PARD3B: variants seen among roughly 807,000 people sequenced by gnomAD.
The protein encoded by PARD3B is partitioning defective 3 homolog B.
PARD3B carries 103 observed loss-of-function variants against 130.2 expected under a neutral mutation model. That is an observed-to-expected ratio of 0.79 (90% CI 0.67 to 0.93). The LOEUF is 0.93. Among genes scored for constraint, PARD3B ranks in the 40% least tolerant of loss-of-function variants. The pLI, the probability that PARD3B is intolerant of heterozygous loss-of-function variation, is 0.00. For missense variants in PARD3B, 1,609 were observed against 1,499.2 expected, an observed-to-expected ratio of 1.07 and a Z score of -1.21; for synonymous variants, 583 against 553.2, an observed-to-expected ratio of 1.05 and a Z score of -0.76.
chr2:204,958,830 T>C (rs1328302853), intron 2 of PARD3B, among the ~76,000 whole-genome samples: 4 of 152,134 alleles, frequency 2.6e-5, no homozygotes, highest in Non-Finnish European at 5.9e-5. Flanking sequence ...ATAACCTTAG[T>C]GTTTTAGGAT....
In PARD3B at chr2:205,525,172, CT is replaced by C. The variant is rs930376286; in HGVS notation, c.3180+25147del. 1.3e-5 allele frequency among the ~76,000 whole-genome samples: 2 copies of C among 152,084 alleles called. No individual in the cohort carries two copies. The highest frequency in any genetic ancestry group is 2.9e-5 in the Non-Finnish European group (2 of 68,010). ...ATGGTATGACTGGAAAATACTAGGG[CT>C]TTTTTCCCCTCCTACATGGTTAACT... On this transcript the variant is annotated intron_variant, in intron 21 of 22. Coordinates refer to ENST00000406610, the MANE Select transcript of PARD3B (RefSeq NM_001302769.2). The surrounding 1 kb of genome is among the most constrained non-coding windows in gnomAD (Gnocchi z 4.2).
At chr2:204,885,935 A>G (rs1454674965) in intron 2 of PARD3B, among the ~76,000 whole-genome samples, 1 of 152,150 alleles carries the variant, frequency 6.6e-6, no homozygotes, top group Non-Finnish European at 1.5e-5. Context: ...TCTCAGCACA[A>G]TGGTCACCAC....
chr2:204,697,893 A>G (rs757507801), intron 2 of PARD3B, among the ~76,000 whole-genome samples: 5 of 152,126 alleles, frequency 3.3e-5, no homozygotes, highest in Admixed American at 3.3e-4. Context: ...TTTGTGCCAA[A>G]TATGTTCAAA....
At chr2:204,699,397 TCTGAAGTGGCTACATGG>T (rs2037775259) in intron 2 of PARD3B, among the ~76,000 whole-genome samples, 1 of 152,136 alleles carries the variant, frequency 6.6e-6, no homozygotes, top group South Asian at 2.1e-4. Context: ...ATCACTCCTT[TCTGAAGTGGCTACATGG>T]CTGTCAAAAT....
In PARD3B at chr2:205,015,448, A is replaced by G. The variant is rs555601663; in HGVS notation, c.395-32133A>G. On this transcript the variant is annotated intron_variant, in intron 3 of 22. Coordinates refer to ENST00000406610, the MANE Select transcript of PARD3B (RefSeq NM_001302769.2). This position sits in a 1 kb window ranked among gnomAD's most constrained non-coding sequence, Gnocchi z 4.5. Reference sequence around the variant, plus strand: ...GGGTCAACCATACTGACATGTTTACATGTATTTCTCCTTGGCAAGATGCAG... The same window carrying G: ...GGGTCAACCATACTGACATGTTTACGTGTATTTCTCCTTGGCAAGATGCAG... 2.0e-5 allele frequency among the ~76,000 whole-genome samples: 3 copies of G among 152,298 alleles called. No homozygotes were observed. The highest frequency in any genetic ancestry group is 4.8e-5 in the African/African-American group (2 of 41,574).
Position 204,811,844 on chromosome 2 carries a change from A to C in PARD3B, c.222+125562A>C, listed in dbSNP as rs535310696. Among the ~76,000 whole-genome samples, 184 of 152,272 alleles carry C rather than the reference A, an allele frequency of 1.2e-3. 2 individuals are homozygous for C. Among genetic ancestry groups the C allele is most frequent in the African/African-American group, 4.0e-3 (165 of 41,526 alleles). On this transcript the variant is annotated intron_variant, in intron 2 of 22. Transcript: ENST00000406610. ...CAAAAAACAAAAAACTAATGTTTGC[A>C]TAAACCTTTTCTCCTTCATACTATT...
At chr2:205,505,479 C>A (rs2050326333) in intron 21 of PARD3B, among the ~76,000 whole-genome samples, 1 of 152,090 alleles carries the variant, frequency 6.6e-6, no homozygotes, top group Non-Finnish European at 1.5e-5. Context: ...TTCAGCTGTT[C>A]TGTTGTGTAA....
At chr2:204,892,569 AATC>A (rs1230408156) in intron 2 of PARD3B, among the ~76,000 whole-genome samples, 1 of 152,204 alleles carries the variant, frequency 6.6e-6, no homozygotes, top group African/African-American at 2.4e-5. Context: ...AGAAAAGTGA[AATC>A]ATCTGATATA....
intron 22 of PARD3B, among the ~76,000 whole-genome samples, chr2:205,598,352 A>G (rs1167661283): frequency 1.3e-5 from 2 of 151,802 alleles, no homozygotes; most frequent in African/African-American, 2.4e-5. Flanking sequence ...ATGAACAACC[A>G]TCAGAAAGGA....
intron 14 of PARD3B, among the ~76,000 whole-genome samples, chr2:205,192,572 C>T (rs149102143): frequency 7.9e-5 from 12 of 152,260 alleles, no homozygotes; most frequent in African/African-American, 2.6e-4. Context: ...TTGAGATTGC[C>T]TACAAGTACT....
intron 2 of PARD3B, among the ~76,000 whole-genome samples, chr2:204,959,024 T>C (rs1690520163): frequency 6.6e-6 from 1 of 152,150 alleles, no homozygotes; most frequent in Non-Finnish European, 1.5e-5. Context: ...GTTTGTTACT[T>C]AGGTATACAT....
chr2:205,108,882 G>A (rs560421334), intron 5 of PARD3B, among the ~76,000 whole-genome samples: 1 of 152,148 alleles, frequency 6.6e-6, no homozygotes, highest in South Asian at 2.1e-4. Context: ...AAATGGATGT[G>A]ATATAAATGT....
chr2:204,593,161 G>GT (rs5837927), intron 1 of PARD3B, among the ~76,000 whole-genome samples: 93,142 of 152,020 alleles, frequency 0.61, 32,407 homozygotes, highest in East Asian at 0.81. Flanking sequence ...TACGTTTCAT[G>GT]TAAGATTATG....
Position 205,321,891 on chromosome 2 carries a change from G to C in PARD3B, c.2630+20190G>C, listed in dbSNP as rs925878978. Among the ~76,000 whole-genome samples, 1 of 152,180 alleles carries C rather than the reference G, an allele frequency of 6.6e-6. No individual in the cohort carries two copies. On this transcript the variant is annotated intron_variant, in intron 18 of 22. Coordinates refer to ENST00000406610, the MANE Select transcript of PARD3B (RefSeq NM_001302769.2). This position sits in a 1 kb window ranked among gnomAD's most constrained non-coding sequence, Gnocchi z 4.2. Reference sequence around the variant, plus strand: ...CTTCAGAAGTAAACCTCTGTAAATAGGTGCAAATATCCTTGTGATAAAGCG... The same window carrying C: ...CTTCAGAAGTAAACCTCTGTAAATACGTGCAAATATCCTTGTGATAAAGCG...
rs192207465 is a variant in PARD3B, at chr2:205,532,437, C to G, written c.3181-20887C>G. Among the ~76,000 whole-genome samples the G allele has an allele frequency of 8.7e-4, 133 of 152,144 alleles. 1 individual carries two copies. The highest frequency in any genetic ancestry group is 8.8e-5 in the Non-Finnish European group (6 of 68,018). On this transcript the variant is annotated intron_variant, in intron 21 of 22. Transcript: ENST00000406610. ...AATAATCAAGAATTTTAAAATAGCTCAAGCCCCAATATCCTTCTCAAAGCC... is the reference window on the plus strand; with the variant it reads ...AATAATCAAGAATTTTAAAATAGCTGAAGCCCCAATATCCTTCTCAAAGCC...
chr2:205,056,918 T>C (rs774292130), intron 4 of PARD3B, among the ~76,000 whole-genome samples: 1,360 of 101,764 alleles, frequency 0.013, 20 homozygotes, highest in African/African-American at 0.031. Flanking sequence ...CACACACATA[T>C]ATATATATAT....
intron 3 of PARD3B, among the ~76,000 whole-genome samples, chr2:205,022,558 G>C (rs1696696175): frequency 6.6e-6 from 1 of 151,932 alleles, no homozygotes; most frequent in African/African-American, 2.4e-5. Context: ...TTCTTTTTCA[G>C]ATTTTAGTTA....
chr2:205,454,327 A>G (rs2048200379), intron 20 of PARD3B, among the ~76,000 whole-genome samples: 1 of 152,172 alleles, frequency 6.6e-6, no homozygotes, highest in African/African-American at 2.4e-5. Flanking sequence ...GGCCATTGTT[A>G]GGTCAATTGC....
intron 18 of PARD3B, among the ~76,000 whole-genome samples, chr2:205,386,622 CA>C (rs200284556): frequency 2.8e-5 from 4 of 141,718 alleles, no homozygotes; most frequent in African/African-American, 5.2e-5. Flanking sequence ...GAGAACTTAC[CA>C]AAAAAAAATG....
Sources: gnomAD v4.1 joint callset for allele counts (sites outside exome capture counted in the v4.1 genomes callset) on GRCh38, gnomAD v4.1.1 for gene constraint, Gnocchi (gnomAD v3.1) non-coding constraint, MANE v1.5 for transcripts, NCBI Gene and HGNC (gene_info 2026-07-23, HGNC 2026-07-21) for gene names.